Variants in VCAN observed in about 807,000 individuals in gnomAD.
The protein encoded by VCAN is versican, also known as versican core protein.
A neutral mutation model predicts 245.5 loss-of-function variants in VCAN; 44 were observed. The ratio of observed to expected loss-of-function variants is 0.18; its 90% CI spans 0.14 to 0.23. VCAN has a LOEUF of 0.23. VCAN is among the 10% of genes least tolerant of loss of function. VCAN has a pLI of 1.00. For synonymous variants in VCAN, 1,413 were observed against 1,437.0 expected (o/e 0.98, Z 0.38); for missense variants, 3,793 against 4,057.9 (o/e 0.93, Z 1.77).
Position 83,519,648 on chromosome 5 carries a change from G to A in VCAN, c.1342G>A (p.Gly448Arg), listed in dbSNP as rs758440241. The change falls in exon 7 of 15, where the codon GGA (glycine) becomes AGA (arginine). Residue 448 changes from glycine (G) to arginine (R), a missense_variant. This residue lies in a region of VCAN where 3,182 missense variants were observed against 3,250.3 expected (regional missense o/e 0.98). Transcript: ENST00000265077. ...CTCACCTTCTGCTTCAGGACCTCTT[G>A]GAAAGCTAGACATATCAGAAATTAA... ...DYSPSASGPL[G>R]KLDISEIKEE... The A allele has an allele frequency of 6.8e-6, 11 of 1,614,112 alleles. No individual in the cohort carries two copies. The highest frequency in any genetic ancestry group is 1.7e-6 in the Non-Finnish European group (2 of 1,179,982).
intron 2 of VCAN, 141 bp downstream of exon 2, chr5:83,483,729 T>G: frequency 1.3e-6 from 1 of 788,876 alleles, no homozygotes; most frequent in Non-Finnish European, 2.1e-6. Flanking sequence ...GTTAAAATAT[T>G]ATTGGACCAA....
chr5:83,532,991 G>A (rs1246047692), intron 7 of VCAN, among the ~76,000 whole-genome samples: 1 of 151,730 alleles, frequency 6.6e-6, no homozygotes. Flanking sequence ...ACAAAAAGAT[G>A]GTATATATGT....
intron 12 of VCAN, chr5:83,562,095 C>T (rs1478574848): frequency 6.6e-6 from 1 of 152,152 alleles, no homozygotes; most frequent in Non-Finnish European, 1.5e-5. Flanking sequence ...TGTGATGTGG[C>T]ATTAGCTCTA....
chr5:83,570,744 A>T (rs2112496977), intron 12 of VCAN, among the ~76,000 whole-genome samples: 1 of 152,178 alleles, frequency 6.6e-6, no homozygotes, highest in South Asian at 2.1e-4. Flanking sequence ...AGTAAAATGG[A>T]TCAGACATAT....
At chr5:83,502,792 T>C (rs1055364033) in intron 5 of VCAN, among the ~76,000 whole-genome samples, 1 of 152,220 alleles carries the variant, frequency 6.6e-6, no homozygotes, top group Admixed American at 6.5e-5. Context: ...TTTTTAAAAC[T>C]CAAAGCATAT....
Position 83,521,837 on chromosome 5 carries a change from T to C in VCAN, c.3531T>C (p.Asp1177=), listed in dbSNP as rs773625898. The C allele has an allele frequency of 1.9e-6, 3 of 1,614,066 alleles. No homozygotes were observed. The East Asian group carries it at 6.7e-5, about 36-fold the overall frequency. ...CTACTGAGAAAACATCCCTAGAGGA[T>C]ATTGATTTAGGCTCAGGATTATTTG... ...ETTTEKTSLE[D]IDLGSGLFEK... Residue 1177 remains aspartate (D), a synonymous_variant, in exon 7 of 15, where the codon GAT becomes GAC. Coordinates refer to ENST00000265077, the MANE Select transcript of VCAN (RefSeq NM_004385.5).
At chr5:83,476,626 G>A (rs1280095197) in intron 1 of VCAN, among the ~76,000 whole-genome samples, 1 of 152,132 alleles carries the variant, frequency 6.6e-6, no homozygotes, top group African/African-American at 2.4e-5. Flanking sequence ...ATTTTTGCCA[G>A]TTTCCTCTTG....
In VCAN at chr5:83,580,963, C is replaced by T. The variant is rs1370190409; in HGVS notation, c.*529C>T. 5.3e-6 allele frequency: 1 copy of T among 188,756 alleles called. No homozygotes were observed. Among genetic ancestry groups the T allele is most frequent in the East Asian group, 1.4e-4 (1 of 7,354 alleles). 11.7% of individuals were successfully genotyped at this position (188,756 alleles called of 1,614,324 possible). ...TCAGCAAGACTGAAGATGGCTTTTC[C>T]TGGACAGCTAGAAAACACAAAATCT... On this transcript the variant is annotated 3_prime_UTR_variant, in exon 15 of 15. Transcript: ENST00000265077.
Position 83,522,274 on chromosome 5 carries a change from A to G in VCAN, c.3968A>G (p.Asn1323Ser), listed in dbSNP as rs762506606. ...PASTKFHPDI[N>S]VYIIEVRENK... ...AGCACAAAATTTCACCCTGACATTA[A>G]TGTTTATATTATTGAGGTCAGAGAA... Residue 1323 changes from asparagine to serine, a missense_variant, in exon 7 of 15, where the codon AAT (asparagine) becomes AGT (serine). This residue lies in a region of VCAN where 3,182 missense variants were observed against 3,250.3 expected (regional missense o/e 0.98). Transcript: ENST00000265077. 4 of 1,599,556 alleles carry G rather than the reference A, an allele frequency of 2.5e-6. No individual in the cohort carries two copies. The highest frequency in any genetic ancestry group is 3.4e-6 in the Non-Finnish European group (4 of 1,179,900).
intron 6 of VCAN, among the ~76,000 whole-genome samples, chr5:83,518,940 G>A (rs752968961): frequency 6.6e-6 from 1 of 152,144 alleles, no homozygotes; most frequent in African/African-American, 2.4e-5. Flanking sequence ...GCCTCCAGAA[G>A]AATAGTACTA....
rs1412475870 is a variant in VCAN at position 83,540,019 on chromosome 5, C to G, written c.7016C>G (p.Thr2339Ser). 6.2e-7 allele frequency: 1 copy of G among 1,614,062 alleles called. No individual in the cohort carries two copies. Among genetic ancestry groups the G allele is most frequent in the Non-Finnish European group, 8.5e-7 (1 of 1,180,000 alleles). Residue 2339 changes from threonine to serine, a missense_variant, in exon 8 of 15, where the codon ACT becomes AGT. Thr to Ser is a moderately conservative substitution (Grantham distance 58). Coordinates refer to ENST00000265077, the MANE Select transcript of VCAN (RefSeq NM_004385.5). ...ACATTAATAGAAATTTTAAGTGACA[C>G]TGGAGCAGAAGGACCCACGGTGGCA... ...STTLIEILSD[T>S]GAEGPTVAPL...
At chr5:83,476,273 C>T (rs1744385999) in intron 1 of VCAN, among the ~76,000 whole-genome samples, 1 of 152,204 alleles carries the variant, frequency 6.6e-6, no homozygotes, top group African/African-American at 2.4e-5. Flanking sequence ...GAGATTTAAA[C>T]ATTTTTGTTG....
At chr5:83,548,569 C>A (rs1449003394) in intron 10 of VCAN, among the ~76,000 whole-genome samples, 1 of 152,126 alleles carries the variant, frequency 6.6e-6, no homozygotes, top group African/African-American at 2.4e-5. Context: ...GGAAATTTTC[C>A]TACTAAAGAA....
At chr5:83,522,949 T>C (rs970468811) in intron 7 of VCAN, among the ~76,000 whole-genome samples, 17 of 152,230 alleles carry the variant, frequency 1.1e-4, no homozygotes, top group African/African-American at 4.1e-4. Flanking sequence ...TAGGGAGTAT[T>C]ACAGTTTATT....
At chr5:83,483,300 G>A (rs1253315258) in intron 1 of VCAN, among the ~76,000 whole-genome samples, 1 of 152,182 alleles carries the variant, frequency 6.6e-6, no homozygotes, top group East Asian at 1.9e-4. Flanking sequence ...TGCATTGGAT[G>A]AGATTCAAAC....
rs922688855 is a variant in VCAN, at chr5:83,541,185, G to A, written c.8182G>A (p.Gly2728Ser). The part of the protein sequence containing the change: ...DMFESSTLSD[G>S]QAIADQSEII... ...GTTTGAATCAAGCACTTTGTCTGAT[G>A]GTCAAGCTATTGCAGACCAAAGTGA... The change falls in exon 8 of 15, where the codon GGT (glycine) becomes AGT (serine). Residue 2728 changes from glycine to serine, a missense_variant. By Grantham distance (56) the Gly-to-Ser change is moderately conservative (BLOSUM62 0). Transcript: ENST00000265077. 4.3e-6 allele frequency: 7 copies of A among 1,613,882 alleles called. No individual in the cohort carries two copies. The African/African-American group carries it at 5.3e-5, about 12-fold the overall frequency.
intron 9 of VCAN, among the ~76,000 whole-genome samples, chr5:83,547,136 G>A (rs953266666): frequency 2.0e-5 from 3 of 152,156 alleles, no homozygotes; most frequent in African/African-American, 7.2e-5. Flanking sequence ...AGAGGGAGAC[G>A]TATTGGGAGA....
intron 13 of VCAN, among the ~76,000 whole-genome samples, chr5:83,575,714 C>G (rs1748447210): frequency 6.6e-6 from 1 of 152,176 alleles, no homozygotes; most frequent in Non-Finnish European, 1.5e-5. Context: ...AAACATGTCT[C>G]TAGACATTGC....
Position 83,537,189 on chromosome 5 carries a change from T to A in VCAN, c.4186T>A (p.Cys1396Ser), listed in dbSNP as rs754335466. 5.0e-6 allele frequency: 8 copies of A among 1,613,102 alleles called. No homozygotes were observed. The East Asian group carries it at 1.8e-4, about 36-fold the overall frequency. ...SEENEEEEEE[C>S]ANATDVTTTP... is the part of the protein sequence containing the mutation. The stretch of plus-strand genomic sequence containing the variant: ...AGAAAATGAAGAAGAAGAAGAAGAG[T>A]GTGCAAATGCTACTGATGTGACAAC... The change falls in exon 8 of 15, where the codon TGT becomes AGT. Residue 1396 changes from cysteine (C) to serine (S), a missense_variant. Physicochemically the swap from Cys to Ser is moderately radical, Grantham distance 112 (BLOSUM62 -1). Coordinates refer to ENST00000265077, the MANE Select transcript of VCAN (RefSeq NM_004385.5).
Sources: gnomAD v4.1 joint callset for allele counts (sites outside exome capture counted in the v4.1 genomes callset) on GRCh38, gnomAD v4.1.1 for gene constraint, gnomAD v4.1.1 regional missense constraint, MANE v1.5 for transcripts, NCBI Gene and HGNC (gene_info 2026-07-23, HGNC 2026-07-21) for gene names.